Variants in KLRF1 observed in about 807,000 individuals in gnomAD.
KLRF1 encodes killer cell lectin-like receptor subfamily F member 1.
KLRF1 carries 27 observed loss-of-function variants against 30.7 expected under a neutral mutation model. The observed-to-expected ratio is 0.88, with a 90% CI of 0.65 to 1.21. KLRF1 has a LOEUF of 1.21. Ranked by LOEUF, KLRF1 falls within the 50% of genes most tolerant of loss-of-function variation. The pLI is 0.00. For missense variants in KLRF1, 246 were observed against 259.3 expected, an observed-to-expected ratio of 0.95 and a Z score of 0.35; for synonymous variants, 92 against 89.3, an observed-to-expected ratio of 1.03 and a Z score of -0.17.
chr12:9,814,401 A>G, the KLRF1 span, among the ~76,000 whole-genome samples: 3 of 152,176 alleles, frequency 2.0e-5, no homozygotes, highest in Non-Finnish European at 4.4e-5. Context: ...CACTCTGCCA[A>G]CCACAGCCTG....
chr12:9,832,209 T>C (rs1867444335), intron 1 of KLRF1, 107 bp from the exon 2 acceptor site: 2 of 598,610 alleles, frequency 3.3e-6, no homozygotes, highest in Non-Finnish European at 5.9e-6. Context: ...CCTAATATCT[T>C]TTGAAACCAA....
the KLRF1 span, among the ~76,000 whole-genome samples, chr12:9,802,632 T>C: frequency 1.3e-5 from 2 of 151,786 alleles, no homozygotes; most frequent in African/African-American, 4.8e-5. Flanking sequence ...CAAAAATCAA[T>C]GTGCAAAAAT....
At chr12:9,844,349 T>A in intron 5 of KLRF1, 69 bp from the exon 6 acceptor site, 1 of 788,660 alleles carries the variant, frequency 1.3e-6, no homozygotes, top group Non-Finnish European at 2.2e-6. Context: ...AAAGAGGATA[T>A]TAGCAGAAGA....
chr12:9,833,080 C>T (rs1867479905), intron 2 of KLRF1, among the ~76,000 whole-genome samples: 1 of 152,062 alleles, frequency 6.6e-6, no homozygotes, highest in Non-Finnish European at 1.5e-5. Context: ...CGTAGGAATG[C>T]CTGGCATAGA....
upstream of KLRF1, among the ~76,000 whole-genome samples, chr12:9,825,474 G>A (rs1867268424): frequency 6.6e-6 from 1 of 152,048 alleles, no homozygotes; most frequent in South Asian, 2.1e-4. Flanking sequence ...AAGATTGAAA[G>A]TGGACCCCTT....
chr12:9,844,412 C>T lies in KLRF1; in HGVS notation c.588-6C>T, dbSNP rs994540961. On this transcript the variant is annotated splice_region_variant and splice_polypyrimidine_tract_variant and intron_variant, in intron 5 of 5. Transcript: ENST00000617889. Reference sequence around the variant, plus strand: ...ATTAACAAAGTATTTATTCTCTCTTCCCTAGATTCTTCATAAAGGGACCAG... The same window carrying T: ...ATTAACAAAGTATTTATTCTCTCTTTCCTAGATTCTTCATAAAGGGACCAG... 4 of 1,473,784 alleles carry T rather than the reference C, an allele frequency of 2.7e-6. No homozygotes were observed. In the African/African-American group the frequency reaches 5.6e-5, roughly 20 times the overall value. The allele number at this position is 1,473,784 out of a possible 1,614,324, so 91.3% of individuals were successfully genotyped here. A position where few individuals can be genotyped will look rare whatever the true frequency, so the allele number is the denominator to read the frequency against.
intron 3 of KLRF1, among the ~76,000 whole-genome samples, chr12:9,835,264 G>A (rs1867549903): frequency 6.6e-6 from 1 of 152,070 alleles, no homozygotes; most frequent in Non-Finnish European, 1.5e-5. Flanking sequence ...GAGACCTTGT[G>A]CGAGGCAAAA....
chr12:9,820,394 C>T, the KLRF1 span, among the ~76,000 whole-genome samples: 52 of 152,318 alleles, frequency 3.4e-4, no homozygotes, highest in Middle Eastern at 3.4e-3. Context: ...CGGGTCTTCT[C>T]AGCCTGGGCC....
At chr12:9,835,902 T>C (rs1407649975) in intron 3 of KLRF1, among the ~76,000 whole-genome samples, 2 of 152,104 alleles carry the variant, frequency 1.3e-5, no homozygotes, top group African/African-American at 2.4e-5. Context: ...ATATGAAATG[T>C]CTGGGGAGGT....
At chr12:9,822,724 C>A (rs1867240684), upstream of KLRF1, among the ~76,000 whole-genome samples, 1 of 152,042 alleles carries the variant, frequency 6.6e-6, no homozygotes, top group Non-Finnish European at 1.5e-5. Context: ...TTCAGTAGAA[C>A]CATCTCACAC....
intron 1 of KLRF1, among the ~76,000 whole-genome samples, chr12:9,830,980 TA>T (rs1244684127): frequency 1.3e-5 from 2 of 151,848 alleles, no homozygotes; most frequent in African/African-American, 4.8e-5. Flanking sequence ...ATTTTATTAT[TA>T]TTTTTTTGAG....
At chr12:9,809,729 G>A in the KLRF1 span, among the ~76,000 whole-genome samples, 3 of 151,596 alleles carry the variant, frequency 2.0e-5, no homozygotes, top group Non-Finnish European at 2.9e-5. Context: ...TGGAAAAAGC[G>A]GGTTACTTAG....
At chr12:9,842,568 C>T (rs1210215218) in intron 5 of KLRF1, 135 bp downstream of exon 5, 2 of 696,074 alleles carry the variant, frequency 2.9e-6, no homozygotes, top group East Asian at 2.9e-5. Flanking sequence ...TTAGTATTTA[C>T]AGGAGTAATG....
At chr12:9,818,825 A>G in the KLRF1 span, among the ~76,000 whole-genome samples, 2 of 152,246 alleles carry the variant, frequency 1.3e-5, no homozygotes, top group Admixed American at 1.3e-4. Context: ...AAGTGCAGGT[A>G]GCCAACTAGA....
the KLRF1 span, among the ~76,000 whole-genome samples, chr12:9,822,373 A>T: frequency 1.3e-5 from 2 of 152,260 alleles, no homozygotes; most frequent in African/African-American, 2.4e-5. Context: ...TCACAATACA[A>T]TTCCAAGTAT....
chr12:9,813,732 G>A, the KLRF1 span, among the ~76,000 whole-genome samples: 1 of 152,150 alleles, frequency 6.6e-6, no homozygotes, highest in Non-Finnish European at 1.5e-5. Context: ...GAGACAGAGG[G>A]GAGGCAGGTA....
chr12:9,828,603 T>C (rs1471123600), intron 1 of KLRF1, among the ~76,000 whole-genome samples: 1 of 152,212 alleles, frequency 6.6e-6, no homozygotes, highest in Non-Finnish European at 1.5e-5. Context: ...CTGTCTGTTC[T>C]GTTCTGTTGC....
chr12:9,828,084 A>ATT (rs60102859), intron 1 of KLRF1, among the ~76,000 whole-genome samples: 1 of 146,364 alleles, frequency 6.8e-6, no homozygotes, highest in African/African-American at 2.5e-5. Flanking sequence ...TTTTAATGCT[A>ATT]TTTTTTTTTT....
At chr12:9,821,164 T>G in the KLRF1 span, among the ~76,000 whole-genome samples, 1 of 151,832 alleles carries the variant, frequency 6.6e-6, no homozygotes, top group Non-Finnish European at 1.5e-5. Flanking sequence ...AGGAGACCAT[T>G]CTCTCCTCCT....
Sources: gnomAD v4.1 joint callset for allele counts (sites outside exome capture counted in the v4.1 genomes callset) on GRCh38, gnomAD v4.1.1 for gene constraint, MANE v1.5 for transcripts, NCBI Gene and HGNC (gene_info 2026-07-23, HGNC 2026-07-21) for gene names.